Variants in SGCD observed in about 807,000 individuals in gnomAD.
The protein encoded by SGCD is delta-sarcoglycan.
SGCD carries 18 observed loss-of-function variants against 36.6 expected under a neutral mutation model. The observed-to-expected ratio is 0.49, with a 90% CI of 0.34 to 0.73. The LOEUF (loss-of-function observed/expected upper bound fraction) is 0.73, where lower values mean the gene tolerates loss of function less well. Among genes scored for constraint, SGCD ranks in the 30% least tolerant of loss-of-function variants. The pLI is 0.01. For synonymous variants in SGCD, 133 were observed against 130.6 expected (o/e 1.02, Z -0.12); for missense variants, 387 against 346.7 (o/e 1.12, Z -0.92).
chr5:155,828,202 G>A, the SGCD span, among the ~76,000 whole-genome samples: 1 of 152,090 alleles, frequency 6.6e-6, no homozygotes, highest in Non-Finnish European at 1.5e-5. Context: ...TATCTACGGG[G>A]TTATGCTCTT....
At chr5:155,952,872 G>A (rs1240685618) in intron 1 of SGCD, among the ~76,000 whole-genome samples, 2 of 152,294 alleles carry the variant, frequency 1.3e-5, no homozygotes, top group East Asian at 3.9e-4. Context: ...AGGATGGCTG[G>A]TGCCAGCATG....
intron 3 of SGCD, among the ~76,000 whole-genome samples, chr5:156,434,735 T>A (rs1400221810): frequency 6.6e-6 from 1 of 152,152 alleles, no homozygotes; most frequent in African/African-American, 2.4e-5. Context: ...CAGTGATTGG[T>A]CACAAACATG....
chr5:156,016,401 A>G (rs938840477), intron 1 of SGCD, among the ~76,000 whole-genome samples: 2 of 152,148 alleles, frequency 1.3e-5, no homozygotes, highest in African/African-American at 4.8e-5. Flanking sequence ...TTTAATTTAA[A>G]TAATTTAATT....
chr5:156,260,831 T>C (rs1373896671), intron 3 of SGCD, among the ~76,000 whole-genome samples: 2 of 152,124 alleles, frequency 1.3e-5, no homozygotes, highest in Non-Finnish European at 1.5e-5. Flanking sequence ...TTAAATGTAT[T>C]TTATCAAGAG....
At chr5:156,181,790 A>T (rs1237731202) in intron 3 of SGCD, among the ~76,000 whole-genome samples, 4 of 152,214 alleles carry the variant, frequency 2.6e-5, no homozygotes, top group African/African-American at 9.6e-5. Context: ...GGAAGGAAAG[A>T]AGCCAGACTC....
In SGCD at chr5:156,055,473, T is replaced by C. The variant is rs1347390373; in HGVS notation, c.-281-62405T>C. Reference sequence around the variant, plus strand: ...AAAGCAGGGACATATCTAGAAATTATGTTAAAGGTAAATCTCTCTTGTAGA... The same window carrying C: ...AAAGCAGGGACATATCTAGAAATTACGTTAAAGGTAAATCTCTCTTGTAGA... On this transcript the variant is annotated intron_variant, in intron 1 of 9. Transcript: ENST00000517913. Among the ~76,000 whole-genome samples the C allele has an allele frequency of 2.7e-5, 4 of 146,324 alleles. 1 individual carries two copies. The highest frequency in any genetic ancestry group is 6.2e-5 in the Non-Finnish European group (4 of 64,984).
At chr5:156,550,244 G>A (rs1758738437) in intron 4 of SGCD, among the ~76,000 whole-genome samples, 1 of 152,204 alleles carries the variant, frequency 6.6e-6, no homozygotes, top group African/African-American at 2.4e-5. Context: ...TGAGTAAATG[G>A]TCAGGGCATT....
chr5:156,556,592 C>G (rs1288601804), intron 4 of SGCD, among the ~76,000 whole-genome samples: 1 of 152,148 alleles, frequency 6.6e-6, no homozygotes, highest in African/African-American at 2.4e-5. Flanking sequence ...ATCTCTACAG[C>G]TCCTCTGTTT....
At chr5:156,487,363 C>A (rs1466183646) in intron 3 of SGCD, among the ~76,000 whole-genome samples, 2 of 152,190 alleles carry the variant, frequency 1.3e-5, no homozygotes, top group African/African-American at 4.8e-5. Context: ...AAATCTTTCC[C>A]TATGGTAGCC....
chr5:156,186,116 T>C (rs1371401262), intron 3 of SGCD, among the ~76,000 whole-genome samples: 3 of 151,590 alleles, frequency 2.0e-5, no homozygotes, highest in Non-Finnish European at 4.4e-5. Context: ...CTTTGTGAGA[T>C]TTCCTCTAAT....
rs1581548602 is a variant in SGCD, at chr5:156,767,035, C to T, written c.*7645C>T. 2 of 152,224 alleles carry T rather than the reference C, an allele frequency of 1.3e-5. No homozygotes were observed. Among genetic ancestry groups the T allele is most frequent in the Admixed American group, 6.5e-5 (1 of 15,280 alleles). 9.4% of individuals were successfully genotyped at this position (152,224 alleles called of 1,614,324 possible). A position where few individuals can be genotyped will look rare whatever the true frequency, so the allele number is the denominator to read the frequency against. ...GGATGAGCCAAAAATGAAAAAGACT[C>T]GACTCTACAGTAAGTCAGTCAGGGA... On this transcript the variant is annotated 3_prime_UTR_variant, in exon 9 of 9. Transcript: ENST00000337851.
chr5:156,458,596 C>T, intron 3 of SGCD: 4 of 727,728 alleles, frequency 5.5e-6, no homozygotes, highest in Non-Finnish European at 9.4e-6. Context: ...ATCTCTAAAC[C>T]TCAGATTTTT....
chr5:156,098,387 G>T (rs1761431717), intron 1 of SGCD, among the ~76,000 whole-genome samples: 1 of 152,070 alleles, frequency 6.6e-6, no homozygotes, highest in Non-Finnish European at 1.5e-5. Context: ...TTTCTCAAAA[G>T]TTACTTGAAT....
chr5:156,691,192 G>T (rs1025765062), intron 7 of SGCD, among the ~76,000 whole-genome samples: 2 of 88,516 alleles, frequency 2.3e-5, no homozygotes, highest in Non-Finnish European at 3.9e-5. Flanking sequence ...GGGCAACAGA[G>T]CGAGACTCTG....
intron 3 of SGCD, among the ~76,000 whole-genome samples, chr5:156,180,262 A>G (rs962608248): frequency 6.6e-6 from 1 of 152,238 alleles, no homozygotes; most frequent in Admixed American, 6.5e-5. Context: ...AAACCATAAT[A>G]CTTAATGGTG....
chr5:155,779,453 AT>A, the SGCD span, among the ~76,000 whole-genome samples: 15 of 152,150 alleles, frequency 9.9e-5, no homozygotes, highest in African/African-American at 4.8e-5. Context: ...AACAAAAAAA[AT>A]GATTTTATTC....
At chr5:156,081,755 A>G (rs1760959322) in intron 1 of SGCD, among the ~76,000 whole-genome samples, 2 of 152,164 alleles carry the variant, frequency 1.3e-5, no homozygotes, top group South Asian at 4.1e-4. Context: ...GAAAACTTTC[A>G]CTTAACTCTC....
At chr5:156,158,782 G>T (rs562886900) in intron 3 of SGCD, among the ~76,000 whole-genome samples, 1 of 151,692 alleles carries the variant, frequency 6.6e-6, no homozygotes, top group South Asian at 2.1e-4. Flanking sequence ...AGCAGGAAAA[G>T]ATTTTATATA....
intron 3 of SGCD, among the ~76,000 whole-genome samples, chr5:156,422,131 A>G (rs1387492406): frequency 6.6e-6 from 1 of 151,944 alleles, no homozygotes. Context: ...TTCCCATTCC[A>G]ATTGCTTTTT....
Sources: allele counts gnomAD v4.1 joint callset (sites outside exome capture counted in the v4.1 genomes callset), GRCh38; gene constraint gnomAD v4.1.1; transcripts MANE v1.5; gene names NCBI Gene and HGNC (gene_info 2026-07-23, HGNC 2026-07-21).